NKIRAS1: variants seen among roughly 807,000 people sequenced by gnomAD.
NKIRAS1 encodes NFKB inhibitor interacting Ras like 1.
A neutral mutation model predicts 19.8 loss-of-function variants in NKIRAS1; 16 were observed. The observed-to-expected ratio is 0.81, with a 90% CI of 0.55 to 1.23. The LOEUF is 1.23. NKIRAS1 is among the 50% of genes most tolerant of loss of function. The pLI is 0.00. For synonymous variants in NKIRAS1, 88 were observed against 79.0 expected (o/e 1.11, Z -0.61); for missense variants, 184 against 220.0 (o/e 0.84, Z 1.04).
intron 3 of NKIRAS1, among the ~76,000 whole-genome samples, chr3:23,905,862 T>G (rs1183496201): frequency 6.9e-6 from 1 of 145,522 alleles, no homozygotes; most frequent in African/African-American, 2.5e-5. Context: ...AAACAGGAAA[T>G]CAAAACCAGG....
chr3:23,920,800 T>C, upstream of NKIRAS1: 1 of 956,730 alleles, frequency 1.0e-6, no homozygotes, highest in Non-Finnish European at 1.2e-6. Context: ...TTTAATTGTG[T>C]AGAGGTTGTT....
At chr3:23,908,073 CCATCATCATGAACTTGA>C (rs1486388160) in intron 3 of NKIRAS1, among the ~76,000 whole-genome samples, 1 of 152,120 alleles carries the variant, frequency 6.6e-6, no homozygotes, top group Non-Finnish European at 1.5e-5. Flanking sequence ...AGAATTGTAT[CCATCATCATGAACTTGA>C]CAGATTCCCA....
chr3:23,908,527 G>A (rs1387483096), intron 3 of NKIRAS1, among the ~76,000 whole-genome samples: 1 of 152,122 alleles, frequency 6.6e-6, no homozygotes, highest in Non-Finnish European at 1.5e-5. Flanking sequence ...CTTCTATTAA[G>A]CTGGACATCA....
At chr3:23,919,254 A>G (rs1263628972), upstream of NKIRAS1, 1 of 1,613,358 alleles carries the variant, frequency 6.2e-7, no homozygotes, top group Admixed American at 1.7e-5. Flanking sequence ...TGGGTTGGTG[A>G]AGATTCCACA....
chr3:23,935,075 A>G (rs1705370616), intron 1 of NKIRAS1, among the ~76,000 whole-genome samples: 1 of 152,106 alleles, frequency 6.6e-6, no homozygotes, highest in Non-Finnish European at 1.5e-5. Flanking sequence ...TTTTTGAGAC[A>G]GGGCTTTGCT....
At chr3:23,908,654 T>C (rs776803054) in intron 3 of NKIRAS1, among the ~76,000 whole-genome samples, 60 of 152,236 alleles carry the variant, frequency 3.9e-4, no homozygotes, top group Non-Finnish European at 7.6e-4. Context: ...AAAAAATAAG[T>C]AGTTTACAAA....
At position 23,891,557 on chromosome 3, in the gene NKIRAS1, T is replaced by G. The variant is rs1020391122; in HGVS notation, c.*1538A>C. 6.6e-6 allele frequency: 1 copy of G among 152,196 alleles called. No homozygotes were observed. The highest frequency in any genetic ancestry group is 1.5e-5 in the Non-Finnish European group (1 of 68,022). The allele number at this position is 152,196 out of a possible 1,614,324, so 9.4% of individuals were successfully genotyped here. A position where few individuals can be genotyped will look rare whatever the true frequency, so the allele number is the denominator to read the frequency against. ...CCCTACTGCATCTTTTTAAAAGCAT[T>G]TTCTGACTTGCAGATGCTGTAGTAG... On this transcript the variant is annotated 3_prime_UTR_variant, in exon 5 of 5. Transcript: ENST00000425478.
At chr3:23,939,129 G>A (rs926067986) in intron 1 of NKIRAS1, among the ~76,000 whole-genome samples, 3 of 152,212 alleles carry the variant, frequency 2.0e-5, no homozygotes, top group Non-Finnish European at 4.4e-5. Flanking sequence ...TGCAGTAGTT[G>A]ACTGGAATGT....
chr3:23,911,964 A>G (rs1166478184), intron 1 of NKIRAS1, among the ~76,000 whole-genome samples: 2 of 151,972 alleles, frequency 1.3e-5, no homozygotes, highest in Admixed American at 6.6e-5. Context: ...GGGTTTCACT[A>G]TGTTGGCCAG....
chr3:23,921,466 A>G (rs866399220), upstream of NKIRAS1: 1 of 623,628 alleles, frequency 1.6e-6, no homozygotes, highest in East Asian at 2.7e-5. Context: ...TCCAATATTA[A>G]GGGTCACTTT....
chr3:23,937,556 GT>G (rs557778906), intron 1 of NKIRAS1, among the ~76,000 whole-genome samples: 49 of 143,968 alleles, frequency 3.4e-4, no homozygotes, highest in South Asian at 8.7e-4. Context: ...TGTGTTTGAT[GT>G]TTTTTTTTTT....
At chr3:23,940,727 C>G (rs1016381129) in intron 1 of NKIRAS1, among the ~76,000 whole-genome samples, 1 of 148,240 alleles carries the variant, frequency 6.7e-6, no homozygotes, top group Non-Finnish European at 1.5e-5. Context: ...TAAGTACAGA[C>G]AAAGTTTTAA....
chr3:23,916,831 G>C lies in NKIRAS1; in HGVS notation c.-187C>G, dbSNP rs1285026433. On this transcript the variant is annotated 5_prime_UTR_variant, in exon 1 of 5. Transcript: ENST00000425478. ...AGACAGCGGCTCCACCGCGGTACGC[G>C]GCCACCGGCTTTGGAGCCTGGACCC... 1 of 152,768 alleles carries C rather than the reference G, an allele frequency of 6.5e-6. No individual in the cohort carries two copies. The highest frequency in any genetic ancestry group is 2.4e-5 in the African/African-American group (1 of 41,480). The allele number at this position is 152,768 out of a possible 1,614,324, so 9.5% of individuals were successfully genotyped here. A position where few individuals can be genotyped will look rare whatever the true frequency, so the allele number is the denominator to read the frequency against.
chr3:23,902,402 G>A (rs1488387440), intron 3 of NKIRAS1, among the ~76,000 whole-genome samples: 1 of 152,164 alleles, frequency 6.6e-6, no homozygotes, highest in Non-Finnish European at 1.5e-5. Flanking sequence ...TCAGTGTTTA[G>A]AAAGGTAAAA....
At chr3:23,936,098 A>T (rs1705388627) in intron 1 of NKIRAS1, among the ~76,000 whole-genome samples, 1 of 150,656 alleles carries the variant, frequency 6.6e-6, no homozygotes, top group Admixed American at 6.6e-5. Context: ...AAAAAAAAAA[A>T]AAAAAAAAGC....
chr3:23,937,908 C>T (rs1050047924), intron 1 of NKIRAS1, among the ~76,000 whole-genome samples: 1 of 151,930 alleles, frequency 6.6e-6, no homozygotes, highest in Non-Finnish European at 1.5e-5. Flanking sequence ...ACCCTTTTAC[C>T]TACTAGATTC....
intron 4 of NKIRAS1, among the ~76,000 whole-genome samples, chr3:23,898,170 T>C (rs1181211049): frequency 6.6e-6 from 1 of 152,066 alleles, no homozygotes; most frequent in Non-Finnish European, 1.5e-5. Flanking sequence ...AGATGGGAAA[T>C]ACGGGGGAGA....
At chr3:23,945,741 G>A (rs1705653973) in intron 1 of NKIRAS1, 2 of 553,210 alleles carry the variant, frequency 3.6e-6, no homozygotes, top group Non-Finnish European at 5.0e-6. Flanking sequence ...CTCTGGCTCG[G>A]TTCCCATCGC....
intron 1 of NKIRAS1, chr3:23,945,711 G>A (rs1705650840): frequency 1.6e-6 from 1 of 640,800 alleles, no homozygotes. Context: ...GGGGTGGGCT[G>A]CTGCGCGCCG....
Sources: allele counts gnomAD v4.1 joint callset (sites outside exome capture counted in the v4.1 genomes callset), GRCh38; gene constraint gnomAD v4.1.1; transcripts MANE v1.5; gene names NCBI Gene and HGNC (gene_info 2026-07-23, HGNC 2026-07-21).